The following RAB31 variants were observed in gnomAD, a reference collection of about 807,000 sequenced individuals.
RAB31 encodes the protein ras-related protein Rab-31.
A neutral mutation model predicts 25.6 loss-of-function variants in RAB31; 21 were observed. That is an observed-to-expected ratio of 0.82 (90% confidence interval 0.58 to 1.18). The LOEUF is 1.18. RAB31 is among the 50% of genes most tolerant of loss of function. The probability of loss-of-function intolerance (pLI) is 0.00; values close to 1 mark genes in which losing one functional copy is unlikely to be tolerated. For missense variants in RAB31, 196 were observed against 250.1 expected (o/e 0.78, Z 1.46); for synonymous variants, 87 against 84.0 (o/e 1.04, Z -0.20).
chr18:9,789,646 T>C (rs7227552), intron 2 of RAB31, among the ~76,000 whole-genome samples: 5,783 of 152,262 alleles, frequency 0.038, 292 homozygotes, highest in African/African-American at 0.11. Flanking sequence ...GAAATATGAT[T>C]GGTTTTTATT....
At chr18:9,811,165 C>T (rs1175062039) in intron 3 of RAB31, among the ~76,000 whole-genome samples, 1 of 152,174 alleles carries the variant, frequency 6.6e-6, no homozygotes, top group Non-Finnish European at 1.5e-5. Context: ...TGGCGCCGGC[C>T]CTTCAGCATC....
intron 1 of RAB31, chr18:9,723,744 A>G (rs191333005): frequency 2.0e-5 from 3 of 152,310 alleles, no homozygotes; most frequent in Non-Finnish European, 2.9e-5. Flanking sequence ...GCAAAACCAA[A>G]TAAGCCAGAC....
rs1193650829 is a variant in RAB31, at chr18:9,772,608, C to T, written c.40-2670C>T. ...GGCGAGTGAAGAATGAGTGAATGAA[C>T]GATTGAATGGAATAGCCCTGAGAAG... On this transcript the variant is annotated intron_variant, in intron 1 of 6. Transcript: ENST00000578921. Among the ~76,000 whole-genome samples the T allele has an allele frequency of 2.0e-5, 3 of 152,302 alleles. No homozygotes were observed. In the South Asian group the frequency reaches 6.2e-4, roughly 32 times the overall value.
At chr18:9,808,906 C>T (rs886915603) in intron 3 of RAB31, among the ~76,000 whole-genome samples, 3 of 152,234 alleles carry the variant, frequency 2.0e-5, no homozygotes. Flanking sequence ...TCATTCCCAA[C>T]TTGCAGGATT....
At chr18:9,774,185 G>A (rs184433808) in intron 1 of RAB31, among the ~76,000 whole-genome samples, 5 of 152,122 alleles carry the variant, frequency 3.3e-5, no homozygotes, top group Admixed American at 2.6e-4. Context: ...CCCAAATATC[G>A]GGAACTCTAG....
At chr18:9,801,181 C>A (rs935481380) in intron 3 of RAB31, among the ~76,000 whole-genome samples, 1 of 152,098 alleles carries the variant, frequency 6.6e-6, no homozygotes, top group Non-Finnish European at 1.5e-5. Flanking sequence ...CTGGATAGAC[C>A]ACATTTTGTT....
At chr18:9,781,594 C>T (rs961104716) in intron 2 of RAB31, among the ~76,000 whole-genome samples, 10 of 152,248 alleles carry the variant, frequency 6.6e-5, no homozygotes, top group Non-Finnish European at 1.5e-4. Context: ...CAGGCGTGAG[C>T]CACCGCGCCC....
At chr18:9,788,525 C>T (rs1216924724) in intron 2 of RAB31, among the ~76,000 whole-genome samples, 1 of 152,188 alleles carries the variant, frequency 6.6e-6, no homozygotes, top group Non-Finnish European at 1.5e-5. Flanking sequence ...ATAGAACTGC[C>T]ATACAATCCA....
At chr18:9,802,332 T>C (rs973898214) in intron 3 of RAB31, among the ~76,000 whole-genome samples, 13 of 152,242 alleles carry the variant, frequency 8.5e-5, no homozygotes, top group African/African-American at 2.9e-4. Context: ...TTCAACTCTT[T>C]GGAATTTACA....
chr18:9,835,199 T>C (rs578087846), intron 5 of RAB31, among the ~76,000 whole-genome samples: 1 of 152,216 alleles, frequency 6.6e-6, no homozygotes, highest in African/African-American at 2.4e-5. Flanking sequence ...GAGCCTGTGT[T>C]CTTGACCGTC....
intron 5 of RAB31, among the ~76,000 whole-genome samples, chr18:9,838,169 C>A (rs1326411007): frequency 6.6e-6 from 1 of 152,162 alleles, no homozygotes; most frequent in African/African-American, 2.4e-5. Context: ...GTCCACCCAG[C>A]CTGGTGGAAT....
At chr18:9,765,551 T>A (rs971716141) in intron 1 of RAB31, among the ~76,000 whole-genome samples, 7 of 152,192 alleles carry the variant, frequency 4.6e-5, no homozygotes, top group African/African-American at 1.7e-4. Context: ...AAATCAGACC[T>A]TTTTCTCTTC....
In RAB31 at chr18:9,859,715, A is replaced by G. The variant is rs571404848; in HGVS notation, c.*390A>G. 2.3e-4 allele frequency: 36 copies of G among 158,104 alleles called. No individual in the cohort carries two copies. Among genetic ancestry groups the G allele is most frequent in the Admixed American group, 4.5e-4 (7 of 15,504 alleles). 9.8% of individuals were successfully genotyped at this position (158,104 alleles called of 1,614,324 possible). ...CTGTGCTACCTATCCAAATTCCAGT[A>G]ACTACTTCAGTGTCATTGCCTTTGT... On this transcript the variant is annotated 3_prime_UTR_variant, in exon 7 of 7. Coordinates refer to ENST00000578921, the MANE Select transcript of RAB31 (RefSeq NM_006868.4).
rs367965321 is a variant in RAB31 at position 9,790,406 on chromosome 18, T to A, written c.120-1748T>A. The stretch of plus-strand genomic sequence containing the variant: ...TGCTCAGCTGATTTAAAAAAAAAAA[T>A]TTTTTTTTTTGTAAAGAAGGAGTCT... On this transcript the variant is annotated intron_variant, in intron 2 of 6. Transcript: ENST00000578921. Among the ~76,000 whole-genome samples, 83 of 72,544 alleles carry A rather than the reference T, an allele frequency of 1.1e-3. 1 individual carries two copies. The highest frequency in any genetic ancestry group is 3.1e-3 in the South Asian group (8 of 2,618). 47.6% of individuals were successfully genotyped at this position (72,544 alleles called of 152,430 possible).
At chr18:9,717,715 G>A (rs1292263705) in intron 1 of RAB31, among the ~76,000 whole-genome samples, 1 of 152,010 alleles carries the variant, frequency 6.6e-6, no homozygotes, top group Non-Finnish European at 1.5e-5. Context: ...AGACACGCAC[G>A]TACACACACA....
At chr18:9,852,035 T>C (rs555331520) in intron 6 of RAB31, among the ~76,000 whole-genome samples, 2 of 152,010 alleles carry the variant, frequency 1.3e-5, no homozygotes, top group Non-Finnish European at 2.9e-5. Context: ...CATATCAAAA[T>C]GTTAACAGTG....
At chr18:9,730,242 A>T (rs2068115863) in intron 1 of RAB31, among the ~76,000 whole-genome samples, 2 of 150,798 alleles carry the variant, frequency 1.3e-5, no homozygotes. Context: ...TAAAATACGC[A>T]TTTAGTGTCT....
Position 9,753,029 on chromosome 18 carries a change from A to G in RAB31, c.40-22249A>G, listed in dbSNP as rs8084556. On this transcript the variant is annotated intron_variant, in intron 1 of 6. Coordinates refer to ENST00000578921, the MANE Select transcript of RAB31 (RefSeq NM_006868.4). ...TTTCATGTTTCAAACATTTACTGATATTCTCACATTATCATGAGAAAGAAG... is the reference window on the plus strand; with the variant it reads ...TTTCATGTTTCAAACATTTACTGATGTTCTCACATTATCATGAGAAAGAAG... Among the ~76,000 whole-genome samples the G allele has an allele frequency of 4.9e-3, 741 of 152,374 alleles. 4 individuals are homozygous for G. The highest frequency in any genetic ancestry group is 0.017 in the African/African-American group (701 of 41,598).
intron 5 of RAB31, chr18:9,830,491 C>T (rs1251355910): frequency 6.6e-6 from 1 of 152,120 alleles, no homozygotes; most frequent in Admixed American, 6.5e-5. Flanking sequence ...CCTTGGAGGT[C>T]ACTATATTGC....
Sources: gnomAD v4.1 joint callset for allele counts (sites outside exome capture counted in the v4.1 genomes callset) on GRCh38, gnomAD v4.1.1 for gene constraint, MANE v1.5 for transcripts, NCBI Gene and HGNC (gene_info 2026-07-23, HGNC 2026-07-21) for gene names.